Variants in SMYD3 observed in about 807,000 individuals in gnomAD.
SMYD3 encodes the protein SET and MYND domain containing 3.
SMYD3 carries 36 observed loss-of-function variants against 57.7 expected under a neutral mutation model. That is an observed-to-expected ratio of 0.62 (90% confidence interval 0.48 to 0.82). The LOEUF (loss-of-function observed/expected upper bound fraction) is 0.82. Among genes scored for constraint, SMYD3 ranks in the 40% least tolerant of loss-of-function variants. The pLI is 0.00. For synonymous variants in SMYD3, 211 were observed against 195.0 expected (o/e 1.08, Z -0.68); for missense variants, 515 against 538.8 (o/e 0.96, Z 0.44).
intron 1 of SMYD3, among the ~76,000 whole-genome samples, chr1:246,378,750 A>AAAAT (rs2066327513): frequency 1.2e-5 from 1 of 81,660 alleles, no homozygotes; most frequent in Admixed American, 2.0e-4. Context: ...AATTATATAT[A>AAAAT]ATATATTTAA....
At chr1:246,016,687 G>A (rs2059382748) in intron 5 of SMYD3, among the ~76,000 whole-genome samples, 1 of 152,024 alleles carries the variant, frequency 6.6e-6, no homozygotes. Flanking sequence ...GTAGGACAAA[G>A]GCAGGCAGAA....
intron 5 of SMYD3, among the ~76,000 whole-genome samples, chr1:246,272,301 G>C (rs2064237996): frequency 6.6e-6 from 1 of 152,114 alleles, no homozygotes; most frequent in African/African-American, 2.4e-5. Flanking sequence ...GGTCTAGCTA[G>C]AACTTCAGTA....
chr1:245,846,363 A>G (rs2148437427), intron 10 of SMYD3, among the ~76,000 whole-genome samples: 1 of 152,354 alleles, frequency 6.6e-6, no homozygotes, highest in East Asian at 1.9e-4. Context: ...TGTTACTTGT[A>G]TTAAAATTAG....
At chr1:245,773,311 A>T (rs2148100588) in intron 10 of SMYD3, among the ~76,000 whole-genome samples, 1 of 152,346 alleles carries the variant, frequency 6.6e-6, no homozygotes, top group South Asian at 2.1e-4. Flanking sequence ...TGTTGCAGAT[A>T]GGACTAAGCA....
At chr1:246,323,186 G>A (rs549488114) in intron 5 of SMYD3, among the ~76,000 whole-genome samples, 6 of 152,272 alleles carry the variant, frequency 3.9e-5, no homozygotes, top group African/African-American at 1.4e-4. Flanking sequence ...TTTACAGCCA[G>A]GCAACAAATT....
At chr1:245,814,811 C>A (rs1315670928) in intron 10 of SMYD3, among the ~76,000 whole-genome samples, 2 of 151,694 alleles carry the variant, frequency 1.3e-5, no homozygotes, top group African/African-American at 4.8e-5. Context: ...CCACCATGCA[C>A]ACACACACAC....
chr1:246,082,156 G>A (rs1359071898), intron 5 of SMYD3, among the ~76,000 whole-genome samples: 2 of 152,140 alleles, frequency 1.3e-5, no homozygotes, highest in Non-Finnish European at 2.9e-5. Context: ...CTTTGCTCAG[G>A]GACCAGAGCC....
At chr1:245,816,992 G>T (rs1329977469) in intron 10 of SMYD3, among the ~76,000 whole-genome samples, 1 of 151,592 alleles carries the variant, frequency 6.6e-6, no homozygotes, top group African/African-American at 2.4e-5. Flanking sequence ...CATTGCCCAG[G>T]CTTGCTTAGG....
intron 8 of SMYD3, among the ~76,000 whole-genome samples, chr1:245,906,158 T>C (rs2054549169): frequency 6.6e-6 from 1 of 152,042 alleles, no homozygotes; most frequent in South Asian, 2.1e-4. Flanking sequence ...CACATCAAGT[T>C]AAAAAGCTTC....
rs1478535357 is a variant in SMYD3 at position 246,456,199 on chromosome 1, ACC to A, written c.164+50853_164+50854del. 2.6e-5 allele frequency among the ~76,000 whole-genome samples: 4 copies of A among 152,194 alleles called. No individual in the cohort carries two copies. The East Asian group carries it at 7.7e-4, about 29-fold the overall frequency. On this transcript the variant is annotated intron_variant, in intron 1 of 11. Transcript: ENST00000490107. ...ATATATATCTAAGCCTTCAGCTATC[ACC>A]TATCTCTACCTTCTCCAGGAATATC...
intron 7 of SMYD3, among the ~76,000 whole-genome samples, chr1:245,927,560 C>A (rs190656414): frequency 4.6e-5 from 7 of 151,898 alleles, no homozygotes; most frequent in East Asian, 1.9e-4. Context: ...GCTGGGATGC[C>A]CCCCCCTGCC....
chr1:246,354,643 A>G (rs2065882656), intron 2 of SMYD3, among the ~76,000 whole-genome samples: 1 of 74,316 alleles, frequency 1.3e-5, no homozygotes, highest in African/African-American at 5.3e-5. Context: ...GCCAGATTAA[A>G]CTATATCTTT....
intron 1 of SMYD3, among the ~76,000 whole-genome samples, chr1:246,497,398 G>T (rs892991854): frequency 2.6e-5 from 4 of 152,160 alleles, no homozygotes; most frequent in South Asian, 2.1e-4. Context: ...TTTGGAAAGG[G>T]GGTTCATGAA....
intron 5 of SMYD3, among the ~76,000 whole-genome samples, chr1:246,248,885 T>C (rs1380861070): frequency 7.0e-6 from 1 of 143,682 alleles, no homozygotes; most frequent in Non-Finnish European, 1.5e-5. Context: ...CTCAATCTCC[T>C]GACCTCGTGA....
intron 1 of SMYD3, among the ~76,000 whole-genome samples, chr1:246,400,880 A>T (rs534019487): frequency 1.3e-5 from 2 of 152,320 alleles, no homozygotes; most frequent in South Asian, 4.1e-4. Flanking sequence ...TTTCTTCGGA[A>T]AACACTGAAA....
chr1:245,813,885 T>C (rs1238202870), intron 10 of SMYD3, among the ~76,000 whole-genome samples: 1 of 2,938 alleles, frequency 3.4e-4, no homozygotes, highest in African/African-American at 4.0e-4. Flanking sequence ...TATATATATA[T>C]ATATATATAT....
chr1:246,326,479 A>C, intron 5 of SMYD3: 1 of 613,806 alleles, frequency 1.6e-6, no homozygotes, highest in Non-Finnish European at 2.9e-6. Context: ...AAAAAAAAAA[A>C]AATACTTCAG....
At chr1:246,001,634 T>C (rs2059046967) in intron 5 of SMYD3, among the ~76,000 whole-genome samples, 1 of 152,170 alleles carries the variant, frequency 6.6e-6, no homozygotes, top group Non-Finnish European at 1.5e-5. Context: ...TATACATAAA[T>C]GACTAACATT....
At chr1:245,832,136 A>G (rs996736368) in intron 10 of SMYD3, among the ~76,000 whole-genome samples, 6 of 152,070 alleles carry the variant, frequency 3.9e-5, no homozygotes, top group Non-Finnish European at 8.8e-5. Context: ...ATCTAACCTA[A>G]AGCCTGGCTC....
Sources: allele counts gnomAD v4.1 joint callset (sites outside exome capture counted in the v4.1 genomes callset), GRCh38; gene constraint gnomAD v4.1.1; transcripts MANE v1.5; gene names NCBI Gene and HGNC (gene_info 2026-07-23, HGNC 2026-07-21).